STAT5B: variants seen among roughly 807,000 people sequenced by gnomAD.
STAT5B encodes transcription factor STAT5B.
A neutral mutation model predicts 107.8 loss-of-function variants in STAT5B; 21 were observed. The observed-to-expected ratio is 0.19, with a 90% CI of 0.14 to 0.28. The LOEUF is 0.28. Among genes scored for constraint, STAT5B ranks in the 10% least tolerant of loss-of-function variants. STAT5B has a pLI of 1.00. For synonymous variants in STAT5B, 325 were observed against 401.7 expected, an observed-to-expected ratio of 0.81 and a Z score of 2.28; for missense variants, 565 against 1,008.2, an observed-to-expected ratio of 0.56 and a Z score of 5.95.
intron 16 of STAT5B, among the ~76,000 whole-genome samples, chr17:42,204,361 G>A (rs2080069810): frequency 6.6e-6 from 1 of 152,186 alleles, no homozygotes; most frequent in Non-Finnish European, 1.5e-5. Flanking sequence ...ACGTGAATAT[G>A]GGAATCAGTA....
At chr17:42,236,441 TTTTG>T (rs1474338128) in intron 1 of STAT5B, among the ~76,000 whole-genome samples, 14 of 152,256 alleles carry the variant, frequency 9.2e-5, no homozygotes, top group African/African-American at 2.2e-4. Context: ...TGTAGTGGTT[TTTTG>T]TTTGTTTGTT....
At chr17:42,240,476 C>A (rs952453453) in intron 1 of STAT5B, among the ~76,000 whole-genome samples, 6 of 151,912 alleles carry the variant, frequency 3.9e-5, no homozygotes, top group African/African-American at 1.5e-4. Context: ...TGTTGGTTGC[C>A]AAGGGCTGAG....
chr17:42,257,440 G>A (rs1598333728), intron 1 of STAT5B, among the ~76,000 whole-genome samples: 1 of 152,164 alleles, frequency 6.6e-6, no homozygotes, highest in Non-Finnish European at 1.5e-5. Context: ...GATAAAACCA[G>A]AACATCTGTT....
the STAT5B span, among the ~76,000 whole-genome samples, chr17:42,286,009 C>T: frequency 1.3e-5 from 2 of 151,912 alleles, no homozygotes; most frequent in African/African-American, 2.4e-5. Flanking sequence ...CACCTGAGGT[C>T]GGGAGTTCGA....
intron 1 of STAT5B, among the ~76,000 whole-genome samples, chr17:42,236,477 T>TAGGCTGGA: frequency 6.6e-6 from 1 of 152,386 alleles, no homozygotes; most frequent in African/African-American, 2.4e-5. Context: ...AGTCTCACTC[T>TAGGCTGGA]GTCGCCTAGG....
upstream of STAT5B, among the ~76,000 whole-genome samples, chr17:42,278,225 G>A (rs2080779761): frequency 6.6e-6 from 1 of 152,144 alleles, no homozygotes; most frequent in African/African-American, 2.4e-5. Flanking sequence ...CACTTCTTGT[G>A]TTGAAGGACA....
intron 1 of STAT5B, among the ~76,000 whole-genome samples, chr17:42,262,906 GTGTATATA>G (rs2080620395): frequency 9.2e-6 from 1 of 109,214 alleles, no homozygotes; most frequent in African/African-American, 3.4e-5. Flanking sequence ...GTATATATAT[GTGTATATA>G]TATGTGTGTA....
Position 42,202,351 on chromosome 17 carries a change from C to T in STAT5B, c.2226G>A (p.Met742Ile). 4 of 1,614,236 alleles carry T rather than the reference C, an allele frequency of 2.5e-6. No homozygotes were observed. Among genetic ancestry groups the T allele is most frequent in the Non-Finnish European group, 3.4e-6 (4 of 1,180,038 alleles). The change falls in exon 18 of 19, where the codon ATG becomes ATA. Residue 742 changes from methionine (M) to isoleucine (I), a missense_variant. Met to Ile is a conservative substitution (Grantham distance 10). Transcript: ENST00000293328. ...PAVCPQAHYN[M>I]YPQNPDSVLD... ...AGAATGCCACCTACTTCTGTGGGTA[C>T]ATGTTATAGTGAGCCTGGGGACACA...
chr17:42,237,997 A>G (rs1198163257), intron 1 of STAT5B, among the ~76,000 whole-genome samples: 3 of 152,148 alleles, frequency 2.0e-5, no homozygotes, highest in African/African-American at 4.8e-5. Context: ...CCCATCTCTA[A>G]TTTTAACTCA....
Position 42,201,520 on chromosome 17 carries a change from A to ACG in STAT5B, c.*217_*218insCG. On this transcript the variant is annotated 3_prime_UTR_variant, in exon 19 of 19. Transcript: ENST00000293328. Reference sequence around the variant, plus strand: ...GAGGGAGAAACACCATAACGTGCAAACACGCACACACACACACACACACAC... The same window carrying ACG: ...GAGGGAGAAACACCATAACGTGCAAACGCACGCACACACACACACACACACAC... 1 of 628,696 alleles carries ACG rather than the reference A, an allele frequency of 1.6e-6. No homozygotes were observed. Among genetic ancestry groups the ACG allele is most frequent in the Non-Finnish European group, 2.9e-6 (1 of 348,068 alleles). 38.9% of individuals were successfully genotyped at this position (628,696 alleles called of 1,614,324 possible).
At chr17:42,283,078 C>T in the STAT5B span, among the ~76,000 whole-genome samples, 9 of 152,186 alleles carry the variant, frequency 5.9e-5, no homozygotes, top group African/African-American at 2.2e-4. Context: ...TGGGAGGTGT[C>T]GTGGAAGATG....
chr17:42,274,109 C>T (rs1272376643), intron 1 of STAT5B, among the ~76,000 whole-genome samples: 1 of 151,812 alleles, frequency 6.6e-6, no homozygotes, highest in Non-Finnish European at 1.5e-5. Flanking sequence ...ATTAATATCC[C>T]GTGGGCAAAA....
At chr17:42,224,021 T>A (rs2080252674) in intron 4 of STAT5B, among the ~76,000 whole-genome samples, 1 of 152,116 alleles carries the variant, frequency 6.6e-6, no homozygotes, top group African/African-American at 2.4e-5. Context: ...GATATTCTCG[T>A]GATGGAATCA....
chr17:42,235,993 TTTG>T (rs2080353858), intron 1 of STAT5B, among the ~76,000 whole-genome samples: 1 of 152,178 alleles, frequency 6.6e-6, no homozygotes, highest in Admixed American at 6.6e-5. Flanking sequence ...GTCACTCTAT[TTTG>T]CCTTAAATTT....
At chr17:42,226,181 C>T (rs1385209256) in intron 3 of STAT5B, among the ~76,000 whole-genome samples, 4 of 151,956 alleles carry the variant, frequency 2.6e-5, no homozygotes, top group South Asian at 4.2e-4. Context: ...ATGATTCACC[C>T]GCCTCAGCCT....
Position 42,239,606 on chromosome 17 carries a change from A to C in STAT5B, c.-10-7469T>G, listed in dbSNP as rs146011540. Among the ~76,000 whole-genome samples, 691 of 152,274 alleles carry C rather than the reference A, an allele frequency of 4.5e-3. 4 individuals carry two copies. The highest frequency in any genetic ancestry group is 7.9e-3 in the Admixed American group (121 of 15,290). ...TTACTTATAACAAGTGCTTTTATGAATCTACTCTTTATCCTAAATCCCTCA... is the reference window on the plus strand; with the variant it reads ...TTACTTATAACAAGTGCTTTTATGACTCTACTCTTTATCCTAAATCCCTCA... On this transcript the variant is annotated intron_variant, in intron 1 of 18. Transcript: ENST00000293328.
intron 5 of STAT5B, among the ~76,000 whole-genome samples, chr17:42,222,009 TGTGTGTGGTGTGGTGTGTGTGGTGTG>T (rs2080231680): frequency 7.3e-6 from 1 of 136,518 alleles, no homozygotes; most frequent in Non-Finnish European, 1.5e-5. Flanking sequence ...GTGTGTGTGC[TGTGTGTGGTGTGGTGTGTGTGGTGTG>T]GTGTGTGTGT....
intron 13 of STAT5B, among the ~76,000 whole-genome samples, chr17:42,211,726 G>A (rs2080131286): frequency 6.6e-6 from 1 of 152,114 alleles, no homozygotes. Flanking sequence ...GTTAACATCT[G>A]CTTTGCTCTA....
At chr17:42,287,338 C>CCCCCA in the STAT5B span, among the ~76,000 whole-genome samples, 2 of 139,826 alleles carry the variant, frequency 1.4e-5, no homozygotes, top group East Asian at 4.0e-4. Flanking sequence ...GCACCCCCCC[C>CCCCCA]AACAGAACAT....
Sources: gnomAD v4.1 joint callset for allele counts (sites outside exome capture counted in the v4.1 genomes callset) on GRCh38, gnomAD v4.1.1 for gene constraint, MANE v1.5 for transcripts, NCBI Gene and HGNC (gene_info 2026-07-23, HGNC 2026-07-21) for gene names.